CNTN4: variants seen among roughly 807,000 people sequenced by gnomAD.
CNTN4 encodes the protein contactin 4, also known as contactin-4.
CNTN4 carries 77 observed loss-of-function variants against 122.5 expected under a neutral mutation model. The observed-to-expected ratio is 0.63, with a 90% confidence interval of 0.52 to 0.76. The LOEUF (loss-of-function observed/expected upper bound fraction) is 0.76. Among genes scored for constraint, CNTN4 ranks in the 30% least tolerant of loss-of-function variants. The pLI, the probability that CNTN4 is intolerant of heterozygous loss-of-function variation, is 0.00. For missense variants in CNTN4, 1,256 were observed against 1,259.1 expected, an observed-to-expected ratio of 1.00 and a Z score of 0.04; for synonymous variants, 512 against 447.0, an observed-to-expected ratio of 1.15 and a Z score of -1.83.
intron 9 of CNTN4, among the ~76,000 whole-genome samples, chr3:2,886,805 C>T (rs1477631557): frequency 6.6e-6 from 1 of 152,132 alleles, no homozygotes; most frequent in Non-Finnish European, 1.5e-5. Flanking sequence ...TGAGCCATTG[C>T]ACCCTGCCAG....
At chr3:2,949,052 C>G (rs2094708883) in intron 13 of CNTN4, among the ~76,000 whole-genome samples, 1 of 152,208 alleles carries the variant, frequency 6.6e-6, no homozygotes, top group Non-Finnish European at 1.5e-5. Context: ...CTGACCATAT[C>G]TGCTGCTAGC....
In CNTN4 at chr3:3,043,630, T is replaced by G. The variant is rs774003384; in HGVS notation, c.2737T>G (p.Ser913Ala). Residue 913 changes from serine (S) to alanine (A), a missense_variant, in exon 23 of 25, where the codon TCA becomes GCA. Coordinates refer to ENST00000418658, the MANE Select transcript of CNTN4 (RefSeq NM_175607.3). ...CCCCGGAAACATCATATGGAATTCA[T>G]CAGACTCCAAAATTATCCTGAATTG... ...QPPGNIIWNS[S>A]DSKIILNWDQ... 17 of 1,614,002 alleles carry G rather than the reference T, an allele frequency of 1.1e-5. No homozygotes were observed. The highest frequency in any genetic ancestry group is 1.4e-5 in the Non-Finnish European group (17 of 1,179,960).
chr3:2,981,374 T>A (rs78439638), intron 13 of CNTN4, among the ~76,000 whole-genome samples: 7 of 150,370 alleles, frequency 4.7e-5, no homozygotes, highest in Admixed American at 3.9e-4. Context: ...AACCCAGGAG[T>A]TGGAGCTTGC....
chr3:2,936,603 A>G (rs1214944262), intron 13 of CNTN4, among the ~76,000 whole-genome samples: 1 of 152,078 alleles, frequency 6.6e-6, no homozygotes, highest in Non-Finnish European at 1.5e-5. Context: ...TTTTTGAGCC[A>G]CACGGACCTT....
At chr3:2,191,276 C>A (rs1218080017) in intron 2 of CNTN4, among the ~76,000 whole-genome samples, 2 of 149,672 alleles carry the variant, frequency 1.3e-5, no homozygotes, top group Admixed American at 6.7e-5. Context: ...TTGGCATTAA[C>A]CCAGACATAG....
Position 3,056,146 on chromosome 3 carries a change from T to G in CNTN4, c.3007T>G (p.Ser1003Ala), listed in dbSNP as rs1158245349. Reference sequence around the variant, plus strand: ...TGCCTACGCGAGAGGATCTGGGGCTTCCACTTCGAATGCATGTACGCTGTC... The same window carrying G: ...TGCCTACGCGAGAGGATCTGGGGCTGCCACTTCGAATGCATGTACGCTGTC... ...SNAYARGSGA[S>A]TSNACTLSAI... Residue 1003 changes from serine to alanine, a missense_variant, in exon 25 of 25, where the codon TCC becomes GCC. By Grantham distance (99) the Ser-to-Ala change is moderately conservative. Transcript: ENST00000418658. The G allele has an allele frequency of 6.2e-7, 1 of 1,614,084 alleles. No homozygotes were observed. Among genetic ancestry groups the G allele is most frequent in the Admixed American group, 1.7e-5 (1 of 60,024 alleles).
intron 8 of CNTN4, among the ~76,000 whole-genome samples, chr3:2,878,593 T>TGTGTGTGTG (rs2093873320): frequency 3.8e-5 from 4 of 104,970 alleles, no homozygotes; most frequent in Admixed American, 3.0e-4. Context: ...GTGTGTGTCT[T>TGTGTGTGTG]TCTGTCTGTC....
intron 2 of CNTN4, among the ~76,000 whole-genome samples, chr3:2,208,294 G>A (rs766700937): frequency 2.6e-5 from 4 of 152,086 alleles, no homozygotes; most frequent in African/African-American, 4.8e-5. Context: ...TCTGACCGTC[G>A]TGGATGACTT....
intron 7 of CNTN4, among the ~76,000 whole-genome samples, chr3:2,859,214 C>T (rs2093648246): frequency 6.6e-6 from 1 of 152,180 alleles, no homozygotes; most frequent in Admixed American, 6.5e-5. Flanking sequence ...CAGGTTCATC[C>T]ATGTTGTTGC....
intron 2 of CNTN4, among the ~76,000 whole-genome samples, chr3:2,323,311 G>A (rs1275424113): frequency 6.6e-6 from 1 of 152,128 alleles, no homozygotes; most frequent in Non-Finnish European, 1.5e-5. Flanking sequence ...AAGTCACACA[G>A]GAGAGGGCAA....
At chr3:2,742,559 GC>G (rs2089517293) in intron 5 of CNTN4, among the ~76,000 whole-genome samples, 2 of 2,172 alleles carry the variant, frequency 9.2e-4, no homozygotes, top group African/African-American at 2.4e-3. Flanking sequence ...TTTTGCTACA[GC>G]GAATCCTATA....
intron 3 of CNTN4, among the ~76,000 whole-genome samples, chr3:2,547,946 G>A (rs775279105): frequency 3.9e-5 from 6 of 152,042 alleles, no homozygotes; most frequent in Non-Finnish European, 5.9e-5. Context: ...ACTGTGAACA[G>A]ACTAGGTGTA....
rs1045714286 is a variant in CNTN4 at position 2,950,426 on chromosome 3, T to C, written c.1358+24647T>C. On this transcript the variant is annotated intron_variant, in intron 13 of 24. Transcript: ENST00000418658. Reference sequence around the variant, plus strand: ...GTTTGGGAAGCCCCAAACACATCGGTAGCTTGTTATATAAGCATCTTGTGC... The same window carrying C: ...GTTTGGGAAGCCCCAAACACATCGGCAGCTTGTTATATAAGCATCTTGTGC... 1.1e-4 allele frequency among the ~76,000 whole-genome samples: 17 copies of C among 152,286 alleles called. 3 individuals are homozygous for C. The highest frequency in any genetic ancestry group is 3.9e-4 in the East Asian group (2 of 5,178).
At chr3:2,910,549 C>T (rs915425236) in intron 12 of CNTN4, among the ~76,000 whole-genome samples, 1 of 152,010 alleles carries the variant, frequency 6.6e-6, no homozygotes, top group African/African-American at 2.4e-5. Context: ...TTCTCTTTGC[C>T]CAGTCTGGGA....
intron 6 of CNTN4, among the ~76,000 whole-genome samples, chr3:2,786,922 C>G (rs1242000534): frequency 6.6e-6 from 1 of 152,036 alleles, no homozygotes; most frequent in African/African-American, 2.4e-5. Flanking sequence ...CAGTAAGTAA[C>G]CTCAGTAATT....
At chr3:2,612,539 C>T (rs1407699781) in intron 4 of CNTN4, among the ~76,000 whole-genome samples, 1 of 152,058 alleles carries the variant, frequency 6.6e-6, no homozygotes, top group African/African-American at 2.4e-5. Context: ...CAAGATACAA[C>T]ATATACTAAT....
At chr3:2,219,277 A>G (rs1269109320) in intron 2 of CNTN4, among the ~76,000 whole-genome samples, 4 of 152,226 alleles carry the variant, frequency 2.6e-5, no homozygotes, top group Admixed American at 6.5e-5. Flanking sequence ...TAGGGCTCCA[A>G]AGAAATACAT....
intron 2 of CNTN4, among the ~76,000 whole-genome samples, chr3:2,238,183 A>G (rs2039757975): frequency 6.6e-6 from 1 of 152,196 alleles, no homozygotes; most frequent in African/African-American, 2.4e-5. Flanking sequence ...CATTTTATTT[A>G]AATAAGTAAA....
chr3:2,476,698 G>C (rs916417496), intron 3 of CNTN4, among the ~76,000 whole-genome samples: 32 of 152,192 alleles, frequency 2.1e-4, no homozygotes, highest in African/African-American at 7.7e-4. Flanking sequence ...GGATCTCCTT[G>C]GGGTAATAGA....
Sources: allele counts gnomAD v4.1 joint callset (sites outside exome capture counted in the v4.1 genomes callset), GRCh38; gene constraint gnomAD v4.1.1; transcripts MANE v1.5; gene names NCBI Gene and HGNC (gene_info 2026-07-23, HGNC 2026-07-21).